The following STAU1 variants were observed in gnomAD, a reference collection of about 807,000 sequenced individuals.
STAU1 encodes double-stranded RNA-binding protein Staufen homolog 1.
Under a neutral mutation model 62.9 loss-of-function variants are expected in STAU1, and 13 were observed. The observed-to-expected ratio is 0.21, with a 90% confidence interval of 0.13 to 0.33. The LOEUF (loss-of-function observed/expected upper bound fraction) is 0.33. Among genes scored for constraint, STAU1 ranks in the 10% least tolerant of loss-of-function variants. The pLI, the probability that STAU1 is intolerant of heterozygous loss-of-function variation, is 1.00. For missense variants in STAU1, 571 were observed against 712.1 expected (o/e 0.80, Z 2.25); for synonymous variants, 269 against 265.1 (o/e 1.01, Z -0.14).
At chr20:49,144,897 T>C (rs1466599868) in intron 5 of STAU1, among the ~76,000 whole-genome samples, 1 of 152,140 alleles carries the variant, frequency 6.6e-6, no homozygotes, top group Non-Finnish European at 1.5e-5. Context: ...AATAATTATG[T>C]GGAATAACAA....
the STAU1 span, among the ~76,000 whole-genome samples, chr20:49,201,071 A>AAAAAGAAG: frequency 1.8e-4 from 19 of 104,616 alleles, 1 homozygote; most frequent in Admixed American, 1.4e-4. Context: ...AAAAAAAAAA[A>AAAAAGAAG]AAGAAGAAGA....
the STAU1 span, among the ~76,000 whole-genome samples, chr20:49,206,667 A>G: frequency 2.1e-5 from 3 of 144,252 alleles, no homozygotes; most frequent in Non-Finnish European, 4.5e-5. Context: ...TGGCCAACAT[A>G]GCAAGACCCT....
chr20:49,154,204 T>C, intron 3 of STAU1, 133 bp from the exon 4 acceptor site: 1 of 852,614 alleles, frequency 1.2e-6, no homozygotes, highest in Non-Finnish European at 1.8e-6. Flanking sequence ...GGTGGCTCAC[T>C]GCTAGGCATC....
At chr20:49,118,262 T>TG in intron 10 of STAU1, 71 bp downstream of exon 10, 1 of 1,470,184 alleles carries the variant, frequency 6.8e-7, no homozygotes, top group South Asian at 1.2e-5. Context: ...GCTGGGCTCC[T>TG]GCTGTTATTC....
intron 1 of STAU1, among the ~76,000 whole-genome samples, chr20:49,181,766 C>CAAAAAAAAAAAAAAAAAAAAAAAAAAAA (rs758956478): frequency 4.1e-5 from 1 of 24,522 alleles, no homozygotes; most frequent in Non-Finnish European, 7.1e-5. Flanking sequence ...ACTATCTCAA[C>CAAAAAAAAAAAAAAAAAAAAAAAAAAAA]AAAAAAAAAA....
At chr20:49,116,141 C>A (rs1181016277) in intron 12 of STAU1, among the ~76,000 whole-genome samples, 1 of 151,930 alleles carries the variant, frequency 6.6e-6, no homozygotes, top group African/African-American at 2.4e-5. Context: ...AATGTTATAT[C>A]CTGCTTTCTA....
rs1238773277 is a variant in STAU1, at chr20:49,185,863, G to A, written c.-160+2253C>T. Among the ~76,000 whole-genome samples, 4 of 151,922 alleles carry A rather than the reference G, an allele frequency of 2.6e-5. 1 individual carries two copies. The highest frequency in any genetic ancestry group is 9.7e-5 in the African/African-American group (4 of 41,382). ...CTTTATACTGCTTGTATAGTTGTTTGCTTATGTGTTTTTTTTGTTTTGTTT... is the reference window on the plus strand; with the variant it reads ...CTTTATACTGCTTGTATAGTTGTTTACTTATGTGTTTTTTTTGTTTTGTTT... On this transcript the variant is annotated intron_variant, in intron 1 of 13. Coordinates refer to ENST00000371856, the MANE Select transcript of STAU1 (RefSeq NM_017453.4).
intron 4 of STAU1, among the ~76,000 whole-genome samples, chr20:49,153,318 C>T (rs1302567588): frequency 2.0e-5 from 3 of 147,258 alleles, no homozygotes; most frequent in African/African-American, 7.5e-5. Context: ...CCTAGCACTG[C>T]GGGAGGCCAA....
chr20:49,188,684 T>G (rs1450040172), upstream of STAU1, among the ~76,000 whole-genome samples: 4 of 152,210 alleles, frequency 2.6e-5, no homozygotes, highest in Non-Finnish European at 4.4e-5. Context: ...TTCCTTGCTG[T>G]CGCTTCTTCC....
At chr20:49,165,371 C>G (rs1253528692) in intron 3 of STAU1, among the ~76,000 whole-genome samples, 1 of 149,988 alleles carries the variant, frequency 6.7e-6, no homozygotes, top group African/African-American at 2.5e-5. Flanking sequence ...GACAGTGTCT[C>G]CCTCTTGCCC....
rs2092364884 is a variant in STAU1, at chr20:49,117,856, G to A, written c.1430C>T (p.Ser477Phe). The A allele has an allele frequency of 6.2e-7, 1 of 1,614,202 alleles. No homozygotes were observed. The highest frequency in any genetic ancestry group is 8.5e-7 in the Non-Finnish European group (1 of 1,180,036). ...AGGTCCATGGGGTACGTGGCCTGAAGAGATGTTATTCTTTAAAATGGTCTC... is the reference window on the plus strand; with the variant it reads ...AGGTCCATGGGGTACGTGGCCTGAAAAGATGTTATTCTTTAAAATGGTCTC... The part of the protein sequence containing the change: ...TAETILKNNI[S>F]SGHVPHGPLT... The change falls in exon 11 of 14, where the codon TCT (serine) becomes TTT (phenylalanine). Residue 477 changes from serine (S) to phenylalanine (F), a missense_variant. Around this residue, in one of 3 missense-constraint regions of STAU1, gnomAD observed 156 missense variants for 194.7 expected, o/e 0.80. Transcript: ENST00000371856. The surrounding 1 kb of genome is among the most constrained non-coding windows in gnomAD (Gnocchi z 4.6).
In STAU1 at chr20:49,115,024, G is replaced by T. The variant is rs984988761; in HGVS notation, c.1719-131C>A. On this transcript the variant is annotated intron_variant, in intron 13 of 13. Coordinates refer to ENST00000371856, the MANE Select transcript of STAU1 (RefSeq NM_017453.4). ...AAAGCCCCAGTTTATGATAACAAAA[G>T]TTTTCCCAGGGTATGCCAGTAAGTA... is the stretch of plus-strand genomic sequence containing the variant. 6.6e-6 allele frequency: 6 copies of T among 909,888 alleles called. No homozygotes were observed. The Admixed American group carries it at 1.4e-4, about 22-fold the overall frequency. The allele number at this position is 909,888 out of a possible 1,614,324, so 56.4% of individuals were successfully genotyped here.
At chr20:49,166,409 A>G (rs559999223) in intron 2 of STAU1, 124 bp from the exon 3 acceptor site, 2 of 563,088 alleles carry the variant, frequency 3.6e-6, no homozygotes, top group Non-Finnish European at 6.3e-6. Context: ...GCATGTAGCT[A>G]TGTTGATTTA....
intron 1 of STAU1, among the ~76,000 whole-genome samples, chr20:49,176,120 A>G (rs1210855583): frequency 6.6e-6 from 1 of 152,138 alleles, no homozygotes; most frequent in African/African-American, 2.4e-5. Flanking sequence ...GGAACTGTAC[A>G]TTACATATCG....
At chr20:49,136,684 C>T (rs1481571860) in intron 5 of STAU1, among the ~76,000 whole-genome samples, 2 of 151,978 alleles carry the variant, frequency 1.3e-5, no homozygotes, top group African/African-American at 4.8e-5. Flanking sequence ...CTTATTTGAA[C>T]ATAAATTCCC....
intron 5 of STAU1, among the ~76,000 whole-genome samples, chr20:49,136,458 C>T (rs1042924199): frequency 2.0e-5 from 3 of 152,176 alleles, no homozygotes; most frequent in Admixed American, 2.0e-4. Context: ...CAAATTGTAC[C>T]TCATAAGTTC....
intron 6 of STAU1, chr20:49,134,707 T>C (rs2092834893): frequency 4.6e-6 from 5 of 1,078,028 alleles, no homozygotes; most frequent in Non-Finnish European, 5.8e-6. Context: ...TCTACATTTC[T>C]GAATGTCTGA....
At chr20:49,208,622 C>CT in the STAU1 span, among the ~76,000 whole-genome samples, 752 of 140,338 alleles carry the variant, frequency 5.4e-3, 5 homozygotes, top group South Asian at 0.013. Flanking sequence ...GAGATCCTGT[C>CT]TTTTTTTTTT....
At chr20:49,206,749 A>ATATTT in the STAU1 span, among the ~76,000 whole-genome samples, 1 of 73,154 alleles carries the variant, frequency 1.4e-5, no homozygotes, top group African/African-American at 5.3e-5. Flanking sequence ...ATATATATAT[A>ATATTT]TATTTTATTT....
Sources: gnomAD v4.1 joint callset for allele counts (sites outside exome capture counted in the v4.1 genomes callset) on GRCh38, gnomAD v4.1.1 for gene constraint, gnomAD v4.1.1 regional missense constraint, Gnocchi (gnomAD v3.1) non-coding constraint, MANE v1.5 for transcripts, NCBI Gene and HGNC (gene_info 2026-07-23, HGNC 2026-07-21) for gene names.